CSMD1: variants seen among roughly 807,000 people sequenced by gnomAD.
The protein encoded by CSMD1 is CUB and Sushi multiple domains 1, also known as CUB and sushi domain-containing protein 1.
CSMD1 carries 213 observed loss-of-function variants against 417.5 expected under a neutral mutation model. That is an observed-to-expected ratio of 0.51 (90% CI 0.46 to 0.57). CSMD1 has a LOEUF of 0.57. Among genes scored for constraint, CSMD1 ranks in the 20% least tolerant of loss-of-function variants. The pLI is 0.00. For missense variants in CSMD1, 6,923 were observed against 4,529.7 expected, an observed-to-expected ratio of 1.53 and a Z score of -15.17; for synonymous variants, 2,862 against 1,736.8, an observed-to-expected ratio of 1.65 and a Z score of -16.11.
chr8:3,416,313 A>AAAAAAAAAAAAAAAAAAAC (rs1813148490), intron 12 of CSMD1, among the ~76,000 whole-genome samples: 1 of 148,778 alleles, frequency 6.7e-6, no homozygotes, highest in Non-Finnish European at 1.5e-5. Flanking sequence ...AAAAAAAAAA[A>AAAAAAAAAAAAAAAAAAAC]AAAAAAAAAA....
chr8:3,230,180 CG>C lies in CSMD1; in HGVS notation c.4204del (p.Arg1402AlafsTer33). 1 of 1,612,004 alleles carries C rather than the reference CG, an allele frequency of 6.2e-7. No individual in the cohort carries two copies. The highest frequency in any genetic ancestry group is 8.5e-7 in the Non-Finnish European group (1 of 1,179,014). Reference sequence around the variant, plus strand: ...TCCAGCCTCTCTGCTGTCTCCATAGCGGGTGCCATTTTGGGGCATACCTGGA... The same window carrying C: ...TCCAGCCTCTCTGCTGTCTCCATAGCGGTGCCATTTTGGGGCATACCTGGA... ...NDPGMPQNGT[R>X]YGDSREAGDT... On this transcript the variant is annotated frameshift_variant, in exon 27 of 70. Transcript: ENST00000635120. LOFTEE classifies it high-confidence loss of function.
At position 4,453,663 on chromosome 8, in the gene CSMD1, T is replaced by A. The variant is rs1585102216; in HGVS notation, c.303-33598A>T. ...ATGTGTATCTCTAGCCCCCGACACC[T>A]GCAGGTCCCGCAGTCTACAGACCAT... is the stretch of plus-strand genomic sequence containing the variant. On this transcript the variant is annotated intron_variant, in intron 2 of 69. Coordinates refer to ENST00000635120, the MANE Select transcript of CSMD1 (RefSeq NM_033225.6). 6.6e-5 allele frequency among the ~76,000 whole-genome samples: 10 copies of A among 152,072 alleles called. 1 individual carries two copies. In the South Asian group the frequency reaches 2.1e-3, roughly 32 times the overall value.
chr8:4,244,861 T>C (rs558556889), intron 3 of CSMD1, among the ~76,000 whole-genome samples: 71 of 152,258 alleles, frequency 4.7e-4, no homozygotes, highest in African/African-American at 1.2e-3. Flanking sequence ...TGTAACAAGA[T>C]CCCCTAGGGA....
intron 3 of CSMD1, among the ~76,000 whole-genome samples, chr8:4,233,414 T>C (rs937714705): frequency 5.3e-5 from 8 of 152,182 alleles, no homozygotes; most frequent in Non-Finnish European, 8.8e-5. Context: ...AATTCATGTG[T>C]TGAAAACCTG....
intron 3 of CSMD1, among the ~76,000 whole-genome samples, chr8:4,344,641 T>G (rs1324957046): frequency 1.3e-5 from 2 of 151,770 alleles, no homozygotes; most frequent in Non-Finnish European, 2.9e-5. Context: ...GAAGGTTTGT[T>G]TAAAAGCACT....
chr8:4,821,312 C>A (rs1257592376), intron 1 of CSMD1, among the ~76,000 whole-genome samples: 2 of 152,114 alleles, frequency 1.3e-5, no homozygotes, highest in Non-Finnish European at 2.9e-5. Flanking sequence ...TAATCCAATC[C>A]ATTTAAGAAT....
rs776722253 is a variant in CSMD1 at position 3,230,230 on chromosome 8, G to C, written c.4155C>G (p.Thr1385=). The change falls in exon 27 of 70, where the codon ACC becomes ACG. Residue 1385 remains threonine, a splice_region_variant and synonymous_variant. Transcript: ENST00000635120. ...GATCGTTACAGGTGGCTGCAATTGA[G>C]GCTGCAAACAAAAGAGAAGGCAAGG... ...SKSGFSIQFS[T]SIAATCNDPG... is the part of the protein sequence containing the mutation. The C allele has an allele frequency of 4.5e-6, 7 of 1,570,894 alleles. No homozygotes were observed. The highest frequency in any genetic ancestry group is 2.3e-5 in the South Asian group (2 of 85,606).
chr8:3,154,232 C>T (rs1051685083), intron 39 of CSMD1, among the ~76,000 whole-genome samples: 2 of 152,326 alleles, frequency 1.3e-5, no homozygotes, highest in East Asian at 1.9e-4. Context: ...CTCGGCCTCC[C>T]GAAGTGAGGG....
chr8:4,363,678 G>C (rs1017250390), intron 3 of CSMD1, among the ~76,000 whole-genome samples: 2 of 152,054 alleles, frequency 1.3e-5, no homozygotes, highest in African/African-American at 2.4e-5. Context: ...GCATTACATC[G>C]CTCTGTGCCT....
chr8:3,787,390 C>T (rs1221492679), intron 5 of CSMD1, among the ~76,000 whole-genome samples: 3 of 152,034 alleles, frequency 2.0e-5, no homozygotes, highest in African/African-American at 7.2e-5. Flanking sequence ...AGCAGATAAC[C>T]AGGATTCTCC....
intron 5 of CSMD1, among the ~76,000 whole-genome samples, chr8:3,991,700 G>A (rs182854284): frequency 1.3e-5 from 2 of 152,260 alleles, no homozygotes; most frequent in African/African-American, 4.8e-5. Flanking sequence ...AGAGTGGAGT[G>A]CCGACACACT....
At chr8:4,850,244 T>A (rs1356555397) in intron 1 of CSMD1, among the ~76,000 whole-genome samples, 1 of 152,196 alleles carries the variant, frequency 6.6e-6, no homozygotes, top group Non-Finnish European at 1.5e-5. Context: ...CCAAGAGTAC[T>A]TTCTATGTTC....
chr8:3,533,476 A>T (rs998154489), intron 10 of CSMD1, among the ~76,000 whole-genome samples: 1 of 152,176 alleles, frequency 6.6e-6, no homozygotes. Flanking sequence ...AAGTGGAATC[A>T]TGAAGTATTT....
chr8:3,943,240 A>T (rs1411097415), intron 5 of CSMD1, among the ~76,000 whole-genome samples: 1 of 152,092 alleles, frequency 6.6e-6, no homozygotes, highest in Non-Finnish European at 1.5e-5. Context: ...TGTACAATCA[A>T]CATTTTAAAT....
intron 3 of CSMD1, among the ~76,000 whole-genome samples, chr8:4,140,335 A>C (rs35668174): frequency 0.3 from 45,285 of 150,710 alleles, 8,466 homozygotes; most frequent in Non-Finnish European, 0.39. Flanking sequence ...CATCTCTACT[A>C]AAACAATACA....
rs377491020 is a variant in CSMD1 at position 4,153,131 on chromosome 8, T to C, written c.416-121032A>G. Among the ~76,000 whole-genome samples the C allele has an allele frequency of 1.8e-4, 27 of 152,312 alleles. No homozygotes were observed. The South Asian group carries it at 3.1e-3, about 18-fold the overall frequency. ...CGTAAAGGAAAATGGCAATGTTGTA[T>C]TGAATACTGAATCTTGACTGTGGTG... is the stretch of plus-strand genomic sequence containing the variant. On this transcript the variant is annotated intron_variant, in intron 3 of 69. Transcript: ENST00000635120.
At chr8:4,168,088 C>G (rs193111557) in intron 3 of CSMD1, among the ~76,000 whole-genome samples, 14 of 151,628 alleles carry the variant, frequency 9.2e-5, no homozygotes, top group Admixed American at 8.5e-4. Context: ...GAAATCGCAC[C>G]ACTGCTCTCC....
chr8:3,182,749 C>G (rs1009802685), intron 36 of CSMD1, among the ~76,000 whole-genome samples: 7 of 105,720 alleles, frequency 6.6e-5, no homozygotes, highest in African/African-American at 1.2e-4. Context: ...ATAAGAAGCT[C>G]TGTGTGTGTG....
In CSMD1 at chr8:3,615,906, T is replaced by C. The variant is rs561977450; in HGVS notation, c.1097+804A>G. 3.9e-5 allele frequency among the ~76,000 whole-genome samples: 6 copies of C among 152,302 alleles called. No homozygotes were observed. In the South Asian group the frequency reaches 1.0e-3, roughly 26 times the overall value. ...CATTTCTTGAACTCACTGAAATAAG[T>C]GCAAAAATCTAAAGTAATAGGACTA... On this transcript the variant is annotated intron_variant, in intron 8 of 69. Coordinates refer to ENST00000635120, the MANE Select transcript of CSMD1 (RefSeq NM_033225.6).
Sources: gnomAD v4.1 joint callset for allele counts (sites outside exome capture counted in the v4.1 genomes callset) on GRCh38, gnomAD v4.1.1 for gene constraint, MANE v1.5 for transcripts, NCBI Gene and HGNC (gene_info 2026-07-23, HGNC 2026-07-21) for gene names.